Variants in SLC13A5 observed in about 807,000 individuals in gnomAD.
SLC13A5 encodes Na(+)/citrate cotransporter.
Under a neutral mutation model 56.5 loss-of-function variants are expected in SLC13A5, and 25 were observed. That is an observed-to-expected ratio of 0.44 (90% CI 0.32 to 0.62). SLC13A5 has a LOEUF of 0.62. Ranked by LOEUF, SLC13A5 falls within the 20% of genes least tolerant of loss-of-function variation. The pLI, the probability that SLC13A5 is intolerant of heterozygous loss-of-function variation, is 0.04. For missense variants in SLC13A5, 649 were observed against 737.8 expected (o/e 0.88, Z 1.39); for synonymous variants, 307 against 301.5 (o/e 1.02, Z -0.19).
Position 6,687,856 on chromosome 17 carries a change from G to T in SLC13A5, c.1438-190C>A. ...GGAACACTGAAGGCTGAGGTCAGAG[G>T]CCACCTGCCCTAGAAGGCCTTACCC... On this transcript the variant is annotated intron_variant, in intron 10 of 11. Coordinates refer to ENST00000433363, the MANE Select transcript of SLC13A5 (RefSeq NM_177550.5). This position sits in a 1 kb window ranked among gnomAD's most constrained non-coding sequence, Gnocchi z 5.0. 1.6e-6 allele frequency: 1 copy of T among 624,570 alleles called. No individual in the cohort carries two copies. Among genetic ancestry groups the T allele is most frequent in the Non-Finnish European group, 2.5e-6 (1 of 395,164 alleles). 38.7% of individuals were successfully genotyped at this position (624,570 alleles called of 1,614,324 possible).
intron 11 of SLC13A5, chr17:6,686,664 A>G (rs995246476): frequency 4.6e-5 from 14 of 303,376 alleles, no homozygotes; most frequent in African/African-American, 1.5e-4. Context: ...GTCCAGGTTC[A>G]TTGCTCACCC....
intron 6 of SLC13A5, among the ~76,000 whole-genome samples, chr17:6,696,979 G>C (rs72836203): frequency 2.0e-5 from 3 of 152,108 alleles, no homozygotes; most frequent in Non-Finnish European, 2.9e-5. Flanking sequence ...AGGACATCAG[G>C]TCACAGCTTT....
At position 6,706,739 on chromosome 17, in the gene SLC13A5, G is replaced by A. The variant is rs1471511272; in HGVS notation, c.271C>T (p.Leu91=). 2.5e-6 allele frequency: 4 copies of A among 1,613,998 alleles called. No individual in the cohort carries two copies. In the Admixed American group the frequency reaches 6.7e-5, roughly 27 times the overall value. Residue 91 remains leucine (L), a synonymous_variant, in exon 3 of 12, where the codon CTG becomes TTG. Transcript: ENST00000433363. ...QYMKDTNMLF[L]GGLIVAVAVE... Reference sequence around the variant, plus strand: ...GCCACGGCCACGATGAGGCCGCCCAGGAACAGCATGTTGGTGTCCTTCATG... The same window carrying A: ...GCCACGGCCACGATGAGGCCGCCCAAGAACAGCATGTTGGTGTCCTTCATG...
chr17:6,703,514 T>G (rs1252045826), intron 4 of SLC13A5, among the ~76,000 whole-genome samples: 1 of 152,156 alleles, frequency 6.6e-6, no homozygotes, highest in African/African-American at 2.4e-5. Context: ...TGGAAGGATT[T>G]GAGCTGCTCG....
Position 6,706,727 on chromosome 17 carries a change from T to A in SLC13A5, c.283A>T (p.Ile95Phe). ...DTNMLFLGGLIVAVAVERWNL... is the reference protein window; with the variant it reads ...DTNMLFLGGLFVAVAVERWNL... ...CAGCGCTCCACAGCCACGGCCACGATGAGGCCGCCCAGGAACAGCATGTTG... is the reference window on the plus strand; with the variant it reads ...CAGCGCTCCACAGCCACGGCCACGAAGAGGCCGCCCAGGAACAGCATGTTG... The change falls in exon 3 of 12, where the codon ATC (isoleucine) becomes TTC (phenylalanine). Residue 95 changes from isoleucine (I) to phenylalanine (F), a missense_variant. Coordinates refer to ENST00000433363, the MANE Select transcript of SLC13A5 (RefSeq NM_177550.5). 1 of 1,614,056 alleles carries A rather than the reference T, an allele frequency of 6.2e-7. No individual in the cohort carries two copies. The highest frequency in any genetic ancestry group is 1.1e-5 in the South Asian group (1 of 91,054).
chr17:6,703,148 G>A lies in SLC13A5; in HGVS notation c.548-10C>T, dbSNP rs2151494144. 6.2e-7 allele frequency: 1 copy of A among 1,613,806 alleles called. No homozygotes were observed. Among genetic ancestry groups the A allele is most frequent in the Non-Finnish European group, 8.5e-7 (1 of 1,179,992 alleles). On this transcript the variant is annotated splice_polypyrimidine_tract_variant and intron_variant, in intron 4 of 11. Transcript: ENST00000433363. The stretch of plus-strand genomic sequence containing the variant: ...AAAATCACTTGACTCCCTGTGGTGG[G>A]CACAGCGCTGTTAGCTGAGCCAGTC...
At position 6,687,890 on chromosome 17, in the gene SLC13A5, C is replaced by T. The variant is rs973509441; in HGVS notation, c.1438-224G>A. 2.1e-6 allele frequency: 1 copy of T among 470,004 alleles called. No homozygotes were observed. The highest frequency in any genetic ancestry group is 3.7e-6 in the Non-Finnish European group (1 of 272,030). The allele number at this position is 470,004 out of a possible 1,614,324, so 29.1% of individuals were successfully genotyped here. On this transcript the variant is annotated intron_variant, in intron 10 of 11. Coordinates refer to ENST00000433363, the MANE Select transcript of SLC13A5 (RefSeq NM_177550.5). The surrounding 1 kb of genome is among the most constrained non-coding windows in gnomAD (Gnocchi z 5.0). ...CCTAGAAGGCCTTACCCCCTCAATTCATTCGACATGTATTTCTTGGGCACC... is the reference window on the plus strand; with the variant it reads ...CCTAGAAGGCCTTACCCCCTCAATTTATTCGACATGTATTTCTTGGGCACC...
chr17:6,710,868 T>A (rs1321865730), intron 1 of SLC13A5, among the ~76,000 whole-genome samples: 1 of 152,096 alleles, frequency 6.6e-6, no homozygotes, highest in Non-Finnish European at 1.5e-5. Context: ...GTACTTTTAT[T>A]TTTACTTTAT....
At position 6,692,989 on chromosome 17, in the gene SLC13A5, G is replaced by T; in HGVS notation, c.1275+55C>A. 2 of 1,350,928 alleles carry T rather than the reference G, an allele frequency of 1.5e-6. No homozygotes were observed. Among genetic ancestry groups the T allele is most frequent in the Non-Finnish European group, 1.1e-6 (1 of 940,184 alleles). 83.7% of individuals were successfully genotyped at this position (1,350,928 alleles called of 1,614,324 possible). A position where few individuals can be genotyped will look rare whatever the true frequency, so the allele number is the denominator to read the frequency against. On this transcript the variant is annotated intron_variant, in intron 9 of 11. Coordinates refer to ENST00000433363, the MANE Select transcript of SLC13A5 (RefSeq NM_177550.5). This position sits in a 1 kb window ranked among gnomAD's most constrained non-coding sequence, Gnocchi z 5.5. Reference sequence around the variant, plus strand: ...CCCAGGGATGGAAGGGTGGAGAAACGCCACCCTCTTGACGAAGAAGAGGGC... The same window carrying T: ...CCCAGGGATGGAAGGGTGGAGAAACTCCACCCTCTTGACGAAGAAGAGGGC...
chr17:6,703,792 G>A, intron 4 of SLC13A5, 86 bp downstream of exon 4: 1 of 1,384,362 alleles, frequency 7.2e-7, no homozygotes, highest in Non-Finnish European at 9.6e-7. Flanking sequence ...AAGCAGACAG[G>A]GAGAAGGAGG....
chr17:6,706,882 A>T (rs757175670), intron 2 of SLC13A5, 104 bp from the exon 3 acceptor site: 8 of 1,565,196 alleles, frequency 5.1e-6, no homozygotes, highest in Non-Finnish European at 6.9e-6. Flanking sequence ...GTGGGGATGC[A>T]GGCTCGAGTG....
At chr17:6,698,107 C>T (rs1342414592) in intron 6 of SLC13A5, among the ~76,000 whole-genome samples, 5 of 152,236 alleles carry the variant, frequency 3.3e-5, no homozygotes, top group Admixed American at 6.5e-5. Flanking sequence ...AATGTAAAAG[C>T]TGTCCTCTAC....
chr17:6,692,286 C>T lies in SLC13A5; in HGVS notation c.1275+758G>A, dbSNP rs960730019. Among the ~76,000 whole-genome samples, 133 of 144,594 alleles carry T rather than the reference C, an allele frequency of 9.2e-4. 1 individual carries two copies. Among genetic ancestry groups the T allele is most frequent in the African/African-American group, 3.3e-3 (122 of 37,280 alleles). 94.9% of individuals were successfully genotyped at this position (144,594 alleles called of 152,430 possible). On this transcript the variant is annotated intron_variant, in intron 9 of 11. Transcript: ENST00000433363. The surrounding 1 kb of genome is among the most constrained non-coding windows in gnomAD (Gnocchi z 5.5). Reference sequence around the variant, plus strand: ...ATGGATGGATGGATGGACGGATGGACGGACGGATGGATGGATGAAGACATG... The same window carrying T: ...ATGGATGGATGGATGGACGGATGGATGGACGGATGGATGGATGAAGACATG...
intron 10 of SLC13A5, chr17:6,689,952 G>T (rs1973351499): frequency 6.7e-6 from 1 of 149,006 alleles, no homozygotes; most frequent in Non-Finnish European, 1.5e-5. Flanking sequence ...GAAGGGCCAT[G>T]TTCAGAGATC....
At position 6,706,635 on chromosome 17, in the gene SLC13A5, T is replaced by C; in HGVS notation, c.368+7A>G. The C allele has an allele frequency of 6.2e-7, 1 of 1,612,860 alleles. No homozygotes were observed. Among genetic ancestry groups the C allele is most frequent in the Non-Finnish European group, 8.5e-7 (1 of 1,179,528 alleles). ...GCCACGTGGCAAGAGAGAGAAGGCG[T>C]AATTACCGTGCAGGCTTGGCCCCCA... On this transcript the variant is annotated splice_region_variant and intron_variant, in intron 3 of 11. Coordinates refer to ENST00000433363, the MANE Select transcript of SLC13A5 (RefSeq NM_177550.5).
rs1282430851 is a variant in SLC13A5 at position 6,702,990 on chromosome 17, C to T, written c.696G>A (p.Val232=). The change falls in exon 5 of 12, where the codon GTG becomes GTA. Residue 232 remains valine (V), a synonymous_variant. Coordinates refer to ENST00000433363, the MANE Select transcript of SLC13A5 (RefSeq NM_177550.5). ...ATLTGTGPNV[V]LLGQMNELFP... is the part of the protein sequence containing the mutation. The stretch of plus-strand genomic sequence containing the variant: ...CTCACTCGTTCATCTGGCCCAGGAG[C>T]ACCACGTTGGGTCCCGTCCCGGTCA... The T allele has an allele frequency of 6.2e-7, 1 of 1,614,168 alleles. No individual in the cohort carries two copies. The highest frequency in any genetic ancestry group is 1.7e-5 in the Admixed American group (1 of 60,032).
intron 8 of SLC13A5, chr17:6,693,519 A>G (rs1973473959): frequency 5.7e-6 from 1 of 174,046 alleles, no homozygotes; most frequent in Non-Finnish European, 1.2e-5. Context: ...AATACCCTCA[A>G]AGGAAAAGCT....
intron 1 of SLC13A5, among the ~76,000 whole-genome samples, chr17:6,709,101 C>G (rs1387614892): frequency 6.7e-6 from 1 of 150,150 alleles, no homozygotes; most frequent in Non-Finnish European, 1.5e-5. Context: ...AGGGATCCTT[C>G]CTTTTTTTTC....
rs538037951 is a variant in SLC13A5, at chr17:6,708,065, C to T, written c.103-909G>A. ...TCAGCTCACTGCAACCTCCACCTCCCGGGTTCAAGCGATTCTCCTGCCTCA... is the reference window on the plus strand; with the variant it reads ...TCAGCTCACTGCAACCTCCACCTCCTGGGTTCAAGCGATTCTCCTGCCTCA... On this transcript the variant is annotated intron_variant, in intron 1 of 11. Coordinates refer to ENST00000433363, the MANE Select transcript of SLC13A5 (RefSeq NM_177550.5). Among the ~76,000 whole-genome samples, 56 of 152,258 alleles carry T rather than the reference C, an allele frequency of 3.7e-4. 1 individual carries two copies. The highest frequency in any genetic ancestry group is 6.8e-3 in the Middle Eastern group (2 of 294).
Sources: gnomAD v4.1 joint callset for allele counts (sites outside exome capture counted in the v4.1 genomes callset) on GRCh38, gnomAD v4.1.1 for gene constraint, Gnocchi (gnomAD v3.1) non-coding constraint, MANE v1.5 for transcripts, NCBI Gene and HGNC (gene_info 2026-07-23, HGNC 2026-07-21) for gene names.